The following SULT1A1 variants were observed in gnomAD, a reference collection of about 807,000 sequenced individuals.
The protein encoded by SULT1A1 is sulfotransferase family 1A member 1.
A neutral mutation model predicts 36.8 loss-of-function variants in SULT1A1; 35 were observed. The ratio of observed to expected loss-of-function variants is 0.95; its 90% CI spans 0.73 to 1.26. SULT1A1 has a LOEUF of 1.26. Among genes scored for constraint, SULT1A1 ranks in the 50% most tolerant of loss-of-function variants. The probability of loss-of-function intolerance (pLI) is 0.00; values close to 1 mark genes in which losing one functional copy is unlikely to be tolerated. For missense variants in SULT1A1, 309 were observed against 383.0 expected, an observed-to-expected ratio of 0.81 and a Z score of 1.61; for synonymous variants, 119 against 146.0, an observed-to-expected ratio of 0.82 and a Z score of 1.33.
At position 28,605,868 on chromosome 16, in the gene SULT1A1, C is replaced by T. The variant is rs759725938; in HGVS notation, c.841G>A (p.Ala281Thr). 1.4e-5 allele frequency: 23 copies of T among 1,609,824 alleles called. No individual in the cohort carries two copies. Among genetic ancestry groups the T allele is most frequent in the East Asian group, 2.2e-5 (1 of 44,866 alleles). Residue 281 changes from alanine to threonine, a missense_variant, in exon 8 of 8, where the codon GCG becomes ACG. Physicochemically the swap from Ala to Thr is moderately conservative, Grantham distance 58. This residue lies in a region of SULT1A1 where 67 missense variants were observed against 122.0 expected (regional missense o/e 0.55). Transcript: ENST00000314752. The stretch of plus-strand genomic sequence containing the variant: ...AGGCTGCAGCCTGCCATCTTCTCCG[C>T]ATAGTCCGCATCGAAGCGCTCATTC... ...AQNERFDADY[A>T]EKMAGCSLSF...
At chr16:28,606,692 C>T (rs1185939783) in intron 6 of SULT1A1, 69 bp downstream of exon 6, 7 of 1,586,868 alleles carry the variant, frequency 4.4e-6, no homozygotes, top group Admixed American at 1.7e-5. Context: ...GCTGGGTGGC[C>T]TTGGCGGGTC....
intron 2 of SULT1A1, among the ~76,000 whole-genome samples, chr16:28,615,663 T>C (rs536131089): frequency 6.6e-6 from 1 of 152,304 alleles, no homozygotes; most frequent in Non-Finnish European, 1.5e-5. Context: ...GGGTGACCAC[T>C]ACCACCAATA....
chr16:28,610,046 G>A (rs1460776797), upstream of SULT1A1: 2 of 1,286,532 alleles, frequency 1.6e-6, no homozygotes, highest in Middle Eastern at 2.1e-4. Flanking sequence ...GTCCACTGTG[G>A]GAGGGATCTG....
rs192543756 is a variant in SULT1A1, at chr16:28,617,834, A to G, written c.138+2229T>C. Among the ~76,000 whole-genome samples, 7 of 152,088 alleles carry G rather than the reference A, an allele frequency of 4.6e-5. No individual in the cohort carries two copies. The East Asian group carries it at 1.2e-3, about 25-fold the overall frequency. On this transcript the variant is annotated intron_variant, in intron 2 of 5. Coordinates refer to the SULT1A1 transcript ENST00000350842. ...TGTGAGTTGTCGTGCCCGGCCGACA[A>G]TTTCTTATCACAAGAAATCTTCCCA... is the stretch of plus-strand genomic sequence containing the variant.
intron 2 of SULT1A1, among the ~76,000 whole-genome samples, chr16:28,615,795 G>A (rs1366987864): frequency 2.6e-5 from 4 of 152,262 alleles, no homozygotes; most frequent in South Asian, 2.1e-4. Context: ...CGTGGGTCAC[G>A]TGTCCACTGG....
rs1280737041 is a variant in SULT1A1 at position 28,619,992 on chromosome 16, A to G, written c.138+71T>C. The G allele has an allele frequency of 1.1e-4, 55 of 508,760 alleles. No individual in the cohort carries two copies. In the Middle Eastern group the frequency reaches 6.1e-3, roughly 57 times the overall value. 31.5% of individuals were successfully genotyped at this position (508,760 alleles called of 1,614,324 possible). A position where few individuals can be genotyped will look rare whatever the true frequency, so the allele number is the denominator to read the frequency against. On this transcript the variant is annotated intron_variant, in intron 2 of 5. Transcript: ENST00000350842. ...TATATGTATATATATTGTATTGTATATTGTGTGTGTGTGTGTGTGTATATA... is the reference window on the plus strand; with the variant it reads ...TATATGTATATATATTGTATTGTATGTTGTGTGTGTGTGTGTGTGTATATA...
chr16:28,615,970 G>A (rs2047537126), intron 2 of SULT1A1, among the ~76,000 whole-genome samples: 1 of 151,970 alleles, frequency 6.6e-6, no homozygotes, highest in South Asian at 2.1e-4. Flanking sequence ...GAAACATGAA[G>A]GTGGACTAGG....
In SULT1A1 at chr16:28,608,322, A is replaced by C; in HGVS notation, c.341T>G (p.Leu114Arg). 6.2e-7 allele frequency: 1 copy of C among 1,612,106 alleles called. No homozygotes were observed. Among genetic ancestry groups the C allele is most frequent in the Non-Finnish European group, 8.5e-7 (1 of 1,178,596 alleles). Residue 114 changes from leucine (L) to arginine (R), a missense_variant, in exon 4 of 8, where the codon CTC becomes CGC. Coordinates refer to ENST00000314752, the MANE Select transcript of SULT1A1 (RefSeq NM_001055.4). ...LLKTHLPLAL[L>R]PQTLLDQKVK... is the part of the protein sequence containing the mutation. The stretch of plus-strand genomic sequence containing the variant: ...CTTCTGATCCAACAGAGTCTGGGGG[A>C]GCAGAGCCAGGGGCAGGTGTGTCTT...
chr16:28,619,990 A>C, intron 2 of SULT1A1: 1 of 573,790 alleles, frequency 1.7e-6, no homozygotes, highest in South Asian at 4.5e-5. Flanking sequence ...ATTGTATTGT[A>C]TATTGTGTGT....
intron 1 of SULT1A1, 40 bp downstream of exon 1, chr16:28,609,891 A>C: frequency 7.9e-7 from 1 of 1,260,176 alleles, no homozygotes; most frequent in Non-Finnish European, 1.0e-6. Flanking sequence ...CAAGCTGAGC[A>C]GGGTGAGGGC....
rs759871095 is a variant in SULT1A1 at position 28,620,129 on chromosome 16, CAT to C, written c.70_71del (p.Met24GlufsTer8). The C allele has an allele frequency of 6.2e-7, 1 of 1,612,674 alleles. No homozygotes were observed. The highest frequency in any genetic ancestry group is 8.5e-7 in the Non-Finnish European group (1 of 1,179,482). Reference sequence around the variant, plus strand: ...TGTCATCCTTTCCCTGGAGAATGCTCATACCTATTTGCAAAAACACCAAAAGA... The same window carrying C: ...TGTCATCCTTTCCCTGGAGAATGCTCACCTATTTGCAAAAACACCAAAAGA... On this transcript the variant is annotated frameshift_variant and splice_region_variant, in exon 2 of 6. Transcript: ENST00000350842. LOFTEE classifies it high-confidence loss of function.
At chr16:28,607,707 C>T (rs2047270823) in intron 4 of SULT1A1, 1 of 146,506 alleles carries the variant, frequency 6.8e-6, no homozygotes, top group Admixed American at 6.9e-5. Context: ...TTCTGTCGCC[C>T]AAGTTGGAGT....
At position 28,619,993 on chromosome 16, in the gene SULT1A1, T is replaced by TTGTGTGTG. The variant is rs113783918; in HGVS notation, c.138+62_138+69dup. 3,495 of 1,116,870 alleles carry TTGTGTGTG rather than the reference T, an allele frequency of 3.1e-3. 9 individuals carry two copies. Among genetic ancestry groups the TTGTGTGTG allele is most frequent in the East Asian group, 0.015 (553 of 38,102 alleles). The allele number at this position is 1,116,870 out of a possible 1,614,324, so 69.2% of individuals were successfully genotyped here. On this transcript the variant is annotated intron_variant, in intron 2 of 5. Transcript: ENST00000350842. ...ATATGTATATATATTGTATTGTATATTGTGTGTGTGTGTGTGTGTATATAC... is the reference window on the plus strand; with the variant it reads ...ATATGTATATATATTGTATTGTATATTGTGTGTGTGTGTGTGTGTGTGTGTGTATATAC...
At chr16:28,622,848 G>C (rs1169485618) in intron 1 of SULT1A1, among the ~76,000 whole-genome samples, 1 of 152,014 alleles carries the variant, frequency 6.6e-6, no homozygotes, top group Admixed American at 6.5e-5. Flanking sequence ...TCTGAGCCCC[G>C]ACCCTAGTCC....
At chr16:28,620,392 C>G (rs2047627984) in intron 1 of SULT1A1, among the ~76,000 whole-genome samples, 1 of 151,548 alleles carries the variant, frequency 6.6e-6, no homozygotes, top group South Asian at 2.1e-4. Flanking sequence ...AGGGCAAAAC[C>G]TCATCTCTAT....
At chr16:28,623,068 A>G in intron 1 of SULT1A1, 2 of 1,523,244 alleles carry the variant, frequency 1.3e-6, no homozygotes, top group Admixed American at 2.0e-5. Context: ...TTGATCCCCA[A>G]GTCCCTGCCT....
At chr16:28,610,101 G>A, upstream of SULT1A1, 2 of 1,285,058 alleles carry the variant, frequency 1.6e-6, 1 homozygote. Flanking sequence ...GAAGGGGTGG[G>A]GTTGGGGGTG....
At position 28,605,948 on chromosome 16, in the gene SULT1A1, C is replaced by G; in HGVS notation, c.776-15G>C. The G allele has an allele frequency of 1.2e-6, 2 of 1,604,594 alleles. No individual in the cohort carries two copies. Among genetic ancestry groups the G allele is most frequent in the African/African-American group, 1.3e-5 (1 of 74,814 alleles). ...CCCAGCCATGCCTGGGGGAGGAAGG[C>G]AGGGAGCAAAGCTGGAGTCTCATCC... is the stretch of plus-strand genomic sequence containing the variant. On this transcript the variant is annotated splice_polypyrimidine_tract_variant and intron_variant, in intron 7 of 7. Transcript: ENST00000314752.
chr16:28,617,562 T>A (rs2151718813), intron 2 of SULT1A1, among the ~76,000 whole-genome samples: 1 of 151,878 alleles, frequency 6.6e-6, no homozygotes. Context: ...TTTCTTTTTG[T>A]GACGGAGTCT....
Sources: allele counts gnomAD v4.1 joint callset (sites outside exome capture counted in the v4.1 genomes callset), GRCh38; gene constraint gnomAD v4.1.1; regional missense constraint gnomAD v4.1.1; transcripts MANE v1.5; gene names NCBI Gene and HGNC (gene_info 2026-07-23, HGNC 2026-07-21).